The following CNTLN variants were observed in gnomAD, a reference collection of about 807,000 sequenced individuals.
The protein encoded by CNTLN is centlein, centrosomal protein.
A neutral mutation model predicts 180.0 loss-of-function variants in CNTLN; 212 were observed. The ratio of observed to expected loss-of-function variants is 1.18; its 90% confidence interval spans 1.05 to 1.32. The LOEUF (loss-of-function observed/expected upper bound fraction) is 1.32. Among genes scored for constraint, CNTLN ranks in the 40% most tolerant of loss-of-function variants. The pLI is 0.00. For missense variants in CNTLN, 2,095 were observed against 1,610.9 expected (o/e 1.30, Z -5.14); for synonymous variants, 722 against 563.1 (o/e 1.28, Z -3.99).
intron 13 of CNTLN, among the ~76,000 whole-genome samples, chr9:17,380,817 G>A: frequency 6.6e-6 from 1 of 152,162 alleles, no homozygotes; most frequent in East Asian, 1.9e-4. Context: ...ATTGCATATA[G>A]GTCTGTGTGT....
chr9:17,410,858 C>G (rs1056994406), intron 16 of CNTLN, among the ~76,000 whole-genome samples: 1 of 152,068 alleles, frequency 6.6e-6, no homozygotes, highest in Admixed American at 6.5e-5. Flanking sequence ...TTTCTCTAGG[C>G]TTTTTCTTCT....
chr9:17,514,593 AC>A, the CNTLN span, among the ~76,000 whole-genome samples: 9 of 152,220 alleles, frequency 5.9e-5, no homozygotes, highest in Admixed American at 2.0e-4. Context: ...ACTAATAAAA[AC>A]ATAAGTATTC....
intron 5 of CNTLN, among the ~76,000 whole-genome samples, chr9:17,250,746 G>A (rs1307801341): frequency 1.3e-5 from 2 of 151,952 alleles, no homozygotes; most frequent in East Asian, 3.9e-4. Context: ...TAGTTTTTAT[G>A]TGTTTGTTTT....
rs890144922 is a variant in CNTLN, at chr9:17,262,957, T to C, written c.850-10776T>C. Among the ~76,000 whole-genome samples, 3 of 151,398 alleles carry C rather than the reference T, an allele frequency of 2.0e-5. 1 individual carries two copies. The highest frequency in any genetic ancestry group is 7.4e-5 in the African/African-American group (3 of 40,788). On this transcript the variant is annotated intron_variant, in intron 5 of 25. Transcript: ENST00000380647. ...TTATCAAAAGCTTCTCTGTGTCTAT[T>C]GAGATGATCATATGGTTTTGTTTTT...
chr9:17,175,936 G>A (rs1820692852), intron 2 of CNTLN, among the ~76,000 whole-genome samples: 1 of 151,650 alleles, frequency 6.6e-6, no homozygotes, highest in Non-Finnish European at 1.5e-5. Flanking sequence ...TATAGAATAA[G>A]GATTTCCGTG....
chr9:17,284,790 T>C (rs118028898), intron 6 of CNTLN, among the ~76,000 whole-genome samples: 2,138 of 152,272 alleles, frequency 0.014, 19 homozygotes, highest in Non-Finnish European at 0.022. Context: ...ATTTCTTTTC[T>C]TCTGCTAGTG....
At chr9:17,264,915 G>A (rs1465353965) in intron 5 of CNTLN, among the ~76,000 whole-genome samples, 5 of 149,972 alleles carry the variant, frequency 3.3e-5, no homozygotes, top group African/African-American at 1.2e-4. Context: ...TGCCGAAGTT[G>A]CTCATCAGCT....
chr9:17,428,752 T>C (rs553098202), intron 18 of CNTLN, among the ~76,000 whole-genome samples: 29 of 152,152 alleles, frequency 1.9e-4, no homozygotes, highest in South Asian at 1.5e-3. Context: ...CTCTAACTAG[T>C]AGGCCTTCTT....
chr9:17,178,510 G>T (rs1328856339), intron 2 of CNTLN, among the ~76,000 whole-genome samples: 5 of 152,174 alleles, frequency 3.3e-5, no homozygotes, highest in Admixed American at 1.3e-4. Flanking sequence ...CCACAGCAGG[G>T]CGGGGGCGGG....
chr9:17,498,077 T>C (rs1833551913), intron 25 of CNTLN, among the ~76,000 whole-genome samples: 1 of 152,170 alleles, frequency 6.6e-6, no homozygotes, highest in Non-Finnish European at 1.5e-5. Flanking sequence ...ACAAGAAGTA[T>C]CTTTTTGGTC....
chr9:17,268,800 T>C (rs1028292855), intron 5 of CNTLN, among the ~76,000 whole-genome samples: 9 of 151,708 alleles, frequency 5.9e-5, no homozygotes, highest in Admixed American at 5.3e-4. Context: ...ACTGCTGTGC[T>C]AGCAATCAGC....
intron 23 of CNTLN, among the ~76,000 whole-genome samples, chr9:17,474,667 A>C (rs907293778): frequency 1.3e-5 from 2 of 152,010 alleles, no homozygotes; most frequent in African/African-American, 4.8e-5. Flanking sequence ...CCAGGAGTTC[A>C]AGACCAGCCT....
chr9:17,368,259 G>T (rs1824001651), intron 13 of CNTLN, among the ~76,000 whole-genome samples: 1 of 152,124 alleles, frequency 6.6e-6, no homozygotes, highest in South Asian at 2.1e-4. Context: ...AGACTCCTTT[G>T]CCTGTGGAAA....
intron 5 of CNTLN, among the ~76,000 whole-genome samples, chr9:17,265,575 C>G (rs183593483): frequency 6.6e-6 from 1 of 152,068 alleles, no homozygotes; most frequent in Non-Finnish European, 1.5e-5. Flanking sequence ...GGAGGATTCC[C>G]TCTTTTTCTA....
chr9:17,424,307 T>G (rs1828935132), intron 18 of CNTLN, among the ~76,000 whole-genome samples: 1 of 152,210 alleles, frequency 6.6e-6, no homozygotes, highest in Non-Finnish European at 1.5e-5. Flanking sequence ...GATCAGATTT[T>G]TGACTTAAAG....
downstream of CNTLN, among the ~76,000 whole-genome samples, chr9:17,505,210 A>G (rs968056279): frequency 1.3e-5 from 2 of 152,136 alleles, no homozygotes; most frequent in Non-Finnish European, 2.9e-5. Context: ...AAAAGCCTAC[A>G]GCTAACATTG....
intron 23 of CNTLN, among the ~76,000 whole-genome samples, chr9:17,475,747 C>A (rs1832301239): frequency 6.6e-6 from 1 of 151,858 alleles, no homozygotes; most frequent in Non-Finnish European, 1.5e-5. Context: ...GTGGTGGGCA[C>A]CTGTAGTCCC....
intron 11 of CNTLN, among the ~76,000 whole-genome samples, chr9:17,341,263 T>C (rs1821461198): frequency 6.6e-6 from 1 of 152,192 alleles, no homozygotes; most frequent in Admixed American, 6.6e-5. Context: ...ATCCGTGTGA[T>C]TGAAAAACTT....
intron 2 of CNTLN, among the ~76,000 whole-genome samples, chr9:17,198,157 C>T (rs528356403): frequency 6.6e-6 from 1 of 152,122 alleles, no homozygotes; most frequent in Non-Finnish European, 1.5e-5. Flanking sequence ...AATTTGAAAT[C>T]AGGTAATATG....
Sources: gnomAD v4.1 joint callset for allele counts (sites outside exome capture counted in the v4.1 genomes callset) on GRCh38, gnomAD v4.1.1 for gene constraint, MANE v1.5 for transcripts, NCBI Gene and HGNC (gene_info 2026-07-23, HGNC 2026-07-21) for gene names.